SPTBN1: variants seen among roughly 807,000 people sequenced by gnomAD.
SPTBN1 encodes the protein spectrin beta chain, non-erythrocytic 1.
A neutral mutation model predicts 266.4 loss-of-function variants in SPTBN1; 32 were observed. The ratio of observed to expected loss-of-function variants is 0.12; its 90% CI spans 0.09 to 0.16. The LOEUF (loss-of-function observed/expected upper bound fraction) is 0.16. SPTBN1 is among the 10% of genes least tolerant of loss of function. The pLI, the probability that SPTBN1 is intolerant of heterozygous loss-of-function variation, is 1.00. For synonymous variants in SPTBN1, 1,336 were observed against 1,162.2 expected (o/e 1.15, Z -3.04); for missense variants, 2,296 against 3,067.1 (o/e 0.75, Z 5.94).
intron 2 of SPTBN1, among the ~76,000 whole-genome samples, chr2:54,553,489 T>C (rs1284023454): frequency 6.6e-6 from 1 of 152,240 alleles, no homozygotes; most frequent in Non-Finnish European, 1.5e-5. Context: ...AAGAGGATTA[T>C]TTTAGCATTA....
chr2:54,655,623 G>A (rs926522193), intron 28 of SPTBN1, among the ~76,000 whole-genome samples: 2 of 152,220 alleles, frequency 1.3e-5, no homozygotes, highest in Non-Finnish European at 2.9e-5. Context: ...AAGAGGTCAG[G>A]GCTTTGTCCG....
chr2:54,658,164 A>T, intron 30 of SPTBN1, 118 bp downstream of exon 30: 1 of 1,287,882 alleles, frequency 7.8e-7, no homozygotes. Context: ...GTTTTTTTCA[A>T]GTAGTGAAGA....
At chr2:54,494,755 G>A (rs764142197) in intron 1 of SPTBN1, among the ~76,000 whole-genome samples, 3 of 152,110 alleles carry the variant, frequency 2.0e-5, no homozygotes, top group Non-Finnish European at 4.4e-5. Context: ...TGGGCCAGGA[G>A]GCATGGACTC....
chr2:54,616,028 G>A (rs539448623), intron 4 of SPTBN1, among the ~76,000 whole-genome samples, 179 bp from the exon 5 acceptor site: 11 of 152,314 alleles, frequency 7.2e-5, no homozygotes, highest in African/African-American at 2.2e-4. Flanking sequence ...TGTAGTTTTC[G>A]TTGTGTTTCT....
intron 1 of SPTBN1, among the ~76,000 whole-genome samples, chr2:54,525,898 A>G (rs887933515): frequency 9.2e-5 from 14 of 152,108 alleles, no homozygotes; most frequent in African/African-American, 2.4e-4. Flanking sequence ...CGCCCAGCTA[A>G]TTTTTGTATC....
At chr2:54,484,485 G>C (rs940443665) in intron 1 of SPTBN1, among the ~76,000 whole-genome samples, 2 of 152,124 alleles carry the variant, frequency 1.3e-5, no homozygotes, top group Non-Finnish European at 2.9e-5. Flanking sequence ...AGCTCAGAGA[G>C]CAAGGTAGGA....
chr2:54,614,241 GC>G (rs944147911), intron 4 of SPTBN1, among the ~76,000 whole-genome samples: 2 of 152,146 alleles, frequency 1.3e-5, no homozygotes, highest in African/African-American at 4.8e-5. Flanking sequence ...ATCAGCCAAG[GC>G]CCAGCTGTAG....
At chr2:54,459,824 T>C (rs1693266472) in intron 1 of SPTBN1, among the ~76,000 whole-genome samples, 1 of 152,198 alleles carries the variant, frequency 6.6e-6, no homozygotes, top group South Asian at 2.1e-4. Flanking sequence ...GGGTTTTTCT[T>C]GTAAATTTTC....
intron 1 of SPTBN1, among the ~76,000 whole-genome samples, chr2:54,485,450 C>T (rs1328378722): frequency 6.6e-6 from 1 of 152,236 alleles, no homozygotes; most frequent in Non-Finnish European, 1.5e-5. Context: ...GCCTCGGCCT[C>T]CCAAGGTGCC....
chr2:54,500,534 G>C (rs1042774427), intron 1 of SPTBN1, among the ~76,000 whole-genome samples: 1 of 152,150 alleles, frequency 6.6e-6, no homozygotes, highest in African/African-American at 2.4e-5. Context: ...TCCTTGGCTG[G>C]ATATTTTATT....
intron 3 of SPTBN1, among the ~76,000 whole-genome samples, chr2:54,603,380 G>C (rs1388950875): frequency 6.6e-6 from 1 of 152,208 alleles, no homozygotes; most frequent in African/African-American, 2.4e-5. Flanking sequence ...TGTGTTTACA[G>C]AGTACTCTCC....
intron 2 of SPTBN1, chr2:54,528,292 C>T (rs977700535): frequency 6.6e-6 from 1 of 152,568 alleles, no homozygotes. Context: ...TGTATTATCT[C>T]CTTTCTAAAG....
chr2:54,501,403 A>G (rs1374729638), intron 1 of SPTBN1, among the ~76,000 whole-genome samples: 1 of 152,226 alleles, frequency 6.6e-6, no homozygotes, highest in Non-Finnish European at 1.5e-5. Context: ...AGCTTCTTGA[A>G]TAGCTGGTCA....
chr2:54,485,098 T>C (rs531508475), intron 1 of SPTBN1, among the ~76,000 whole-genome samples: 1 of 150,642 alleles, frequency 6.6e-6, no homozygotes, highest in Admixed American at 6.6e-5. Context: ...GACATTGTTA[T>C]TCCGTTCAGT....
chr2:54,646,971 C>T lies in SPTBN1; in HGVS notation c.4867-160C>T, dbSNP rs1247184941. The stretch of plus-strand genomic sequence containing the variant: ...TTCTGTGGTCCAGTCCATATGGAAG[C>T]TCTTGGAACACTTCTGTGTTCCACT... On this transcript the variant is annotated intron_variant, in intron 23 of 35. Coordinates refer to ENST00000356805, the MANE Select transcript of SPTBN1 (RefSeq NM_003128.3). This position sits in a 1 kb window ranked among gnomAD's most constrained non-coding sequence, Gnocchi z 4.4. 6.6e-6 allele frequency among the ~76,000 whole-genome samples: 1 copy of T among 152,174 alleles called. No homozygotes were observed. The highest frequency in any genetic ancestry group is 1.5e-5 in the Non-Finnish European group (1 of 68,032).
intron 1 of SPTBN1, among the ~76,000 whole-genome samples, chr2:54,499,196 G>A (rs1316357420): frequency 6.6e-6 from 1 of 152,116 alleles, no homozygotes; most frequent in Non-Finnish European, 1.5e-5. Context: ...TGACTCAATA[G>A]TGGCAATATT....
intron 7 of SPTBN1, among the ~76,000 whole-genome samples, chr2:54,619,508 C>A (rs1677854543): frequency 6.6e-6 from 1 of 152,152 alleles, no homozygotes; most frequent in African/African-American, 2.4e-5. Context: ...TTGATGTTCC[C>A]CAGATCACAA....
Position 54,644,508 on chromosome 2 carries a change from C to A in SPTBN1, c.4191C>A (p.His1397Gln). The A allele has an allele frequency of 6.2e-7, 1 of 1,614,198 alleles. No individual in the cohort carries two copies. Among genetic ancestry groups the A allele is most frequent in the Non-Finnish European group, 8.5e-7 (1 of 1,180,020 alleles). ...QSCADLDKWL[H>Q]GLESQIQSDD... The stretch of plus-strand genomic sequence containing the variant: ...GTGCAGATCTAGACAAATGGCTGCA[C>A]GGCCTGGAGAGTCAGATTCAGTCTG... Residue 1397 changes from histidine (H) to glutamine (Q), a missense_variant, in exon 20 of 36, where the codon CAC becomes CAA. His to Gln is a conservative substitution (Grantham distance 24). Transcript: ENST00000356805.
chr2:54,575,654 C>T (rs2104544025), intron 2 of SPTBN1, among the ~76,000 whole-genome samples: 1 of 152,362 alleles, frequency 6.6e-6, no homozygotes, highest in East Asian at 1.9e-4. Flanking sequence ...CCACTGGTAG[C>T]AATTGCAAAG....
Sources: allele counts gnomAD v4.1 joint callset (sites outside exome capture counted in the v4.1 genomes callset), GRCh38; gene constraint gnomAD v4.1.1; non-coding constraint Gnocchi (gnomAD v3.1); transcripts MANE v1.5; gene names NCBI Gene and HGNC (gene_info 2026-07-23, HGNC 2026-07-21).